The following DAB1 variants were observed in gnomAD, a reference collection of about 807,000 sequenced individuals.
DAB1 encodes DAB adaptor protein 1, also known as disabled homolog 1.
In DAB1, 15 loss-of-function variants were observed where a neutral mutation model predicts 64.6. The observed-to-expected ratio is 0.23, with a 90% confidence interval of 0.16 to 0.36. DAB1 has a LOEUF of 0.36. Ranked by LOEUF, DAB1 falls within the 10% of genes least tolerant of loss-of-function variation. The pLI is 1.00. For missense variants in DAB1, 596 were observed against 706.7 expected (o/e 0.84, Z 1.78); for synonymous variants, 235 against 251.9 (o/e 0.93, Z 0.64).
chr1:58,136,868 G>A, intron 5 of DAB1, among the ~76,000 whole-genome samples: 1 of 152,208 alleles, frequency 6.6e-6, no homozygotes. Flanking sequence ...GTAGGTGGGA[G>A]AATCCAAAAT....
chr1:57,029,132 G>A (rs948519497), intron 9 of DAB1, among the ~76,000 whole-genome samples: 4 of 152,194 alleles, frequency 2.6e-5, no homozygotes, highest in African/African-American at 9.6e-5. Context: ...GCTGTATACA[G>A]TCTAGGGACT....
intron 5 of DAB1, among the ~76,000 whole-genome samples, chr1:57,938,256 G>A (rs755901736): frequency 9.2e-5 from 14 of 152,170 alleles, no homozygotes; most frequent in Non-Finnish European, 1.8e-4. Context: ...TCAGTACAGG[G>A]TTTTAAAAGA....
intron 7 of DAB1, among the ~76,000 whole-genome samples, chr1:57,528,232 A>T (rs1332146719): frequency 1.3e-5 from 2 of 152,166 alleles, no homozygotes; most frequent in African/African-American, 4.8e-5. Context: ...TATCTGAAAA[A>T]ATTTAAAAAT....
chr1:57,119,832 T>C (rs1656476429), intron 4 of DAB1, among the ~76,000 whole-genome samples: 1 of 152,146 alleles, frequency 6.6e-6, no homozygotes, highest in Non-Finnish European at 1.5e-5. Context: ...GATTCCGACC[T>C]TGGGAAACAG....
At chr1:57,163,245 A>G (rs1660922625) in intron 2 of DAB1, among the ~76,000 whole-genome samples, 1 of 152,198 alleles carries the variant, frequency 6.6e-6, no homozygotes, top group Non-Finnish European at 1.5e-5. Context: ...TATGAAGGGG[A>G]TAAAATAGTC....
At chr1:58,050,239 C>T (rs6587798) in intron 5 of DAB1, among the ~76,000 whole-genome samples, 52,258 of 151,928 alleles carry the variant, frequency 0.34, 9,691 homozygotes, top group African/African-American at 0.49. Flanking sequence ...AACAGGCTCT[C>T]GTGAGCCTAT....
intron 4 of DAB1, among the ~76,000 whole-genome samples, chr1:58,208,965 G>T (rs1658417628): frequency 6.6e-6 from 1 of 152,152 alleles, no homozygotes. Flanking sequence ...TTAATTAAGA[G>T]AAACCTGAAC....
At chr1:58,242,253 C>T (rs1660329216) in intron 4 of DAB1, among the ~76,000 whole-genome samples, 1 of 151,902 alleles carries the variant, frequency 6.6e-6, no homozygotes, top group Admixed American at 6.6e-5. Context: ...CATATTTAAA[C>T]CAATGACAAA....
intron 4 of DAB1, among the ~76,000 whole-genome samples, chr1:58,303,030 A>T (rs1662210147): frequency 1.3e-5 from 2 of 152,196 alleles, no homozygotes; most frequent in African/African-American, 2.4e-5. Context: ...TATATTTTTA[A>T]GAATTCCTTA....
intron 6 of DAB1, among the ~76,000 whole-genome samples, chr1:57,727,724 C>CCT (rs1647239099): frequency 1.4e-5 from 2 of 141,518 alleles, no homozygotes; most frequent in Non-Finnish European, 3.1e-5. Context: ...TTCCTTCCTT[C>CCT]TCTCCTTCCT....
intron 3 of DAB1, among the ~76,000 whole-genome samples, chr1:58,357,055 GT>G (rs952872924): frequency 1.4e-5 from 2 of 146,402 alleles, no homozygotes; most frequent in African/African-American, 5.0e-5. Context: ...AAAAGTTAAA[GT>G]TTTTTTTATT....
At chr1:57,052,301 A>C (rs1319096811) in intron 9 of DAB1, among the ~76,000 whole-genome samples, 1 of 152,170 alleles carries the variant, frequency 6.6e-6, no homozygotes, top group African/African-American at 2.4e-5. Flanking sequence ...AAACTGAGTC[A>C]AAGGCTGGGA....
intron 3 of DAB1, among the ~76,000 whole-genome samples, chr1:58,404,297 T>C (rs927394847): frequency 2.0e-5 from 3 of 152,198 alleles, no homozygotes; most frequent in African/African-American, 7.2e-5. Flanking sequence ...GACAAGACAC[T>C]GTGCCTCGAG....
intron 5 of DAB1, among the ~76,000 whole-genome samples, chr1:57,975,234 C>T (rs1645892105): frequency 6.6e-6 from 1 of 152,158 alleles, no homozygotes; most frequent in South Asian, 2.1e-4. Context: ...CTGGACTTCC[C>T]AGCCTCCAGA....
At chr1:57,719,566 C>G (rs1056394085) in intron 6 of DAB1, among the ~76,000 whole-genome samples, 2 of 152,198 alleles carry the variant, frequency 1.3e-5, no homozygotes, top group African/African-American at 4.8e-5. Flanking sequence ...TCATGCTGTT[C>G]TCCTGATAGT....
At chr1:58,124,477 G>A (rs1344822118) in intron 5 of DAB1, among the ~76,000 whole-genome samples, 1 of 152,134 alleles carries the variant, frequency 6.6e-6, no homozygotes, top group African/African-American at 2.4e-5. Context: ...AGTTGCCTGT[G>A]TTTGCATGAC....
intron 6 of DAB1, among the ~76,000 whole-genome samples, chr1:57,724,726 A>G (rs1482982292): frequency 1.3e-5 from 2 of 152,118 alleles, no homozygotes; most frequent in Admixed American, 1.3e-4. Flanking sequence ...CCTCTCTGAG[A>G]ATGCAGCCCA....
intron 3 of DAB1, chr1:58,473,793 C>T (rs1557431559): frequency 1.8e-6 from 1 of 555,546 alleles, no homozygotes; most frequent in East Asian, 6.7e-5. Flanking sequence ...CCCAAGAACG[C>T]TCTGCAGAGA....
intron 5 of DAB1, among the ~76,000 whole-genome samples, chr1:58,005,238 G>A (rs895395753): frequency 6.6e-6 from 1 of 152,070 alleles, no homozygotes; most frequent in Non-Finnish European, 1.5e-5. Flanking sequence ...ATGCCCATGT[G>A]CTTTTAACCT....
Sources: allele counts gnomAD v4.1 joint callset (sites outside exome capture counted in the v4.1 genomes callset), GRCh38; gene constraint gnomAD v4.1.1; transcripts MANE v1.5; gene names NCBI Gene and HGNC (gene_info 2026-07-23, HGNC 2026-07-21).